SCN11A: variants seen among roughly 807,000 people sequenced by gnomAD.
SCN11A encodes the protein sodium channel protein type 11 subunit alpha.
In SCN11A, 122 loss-of-function variants were observed where a neutral mutation model predicts 162.2. The ratio of observed to expected loss-of-function variants is 0.75; its 90% confidence interval spans 0.65 to 0.87. The LOEUF (loss-of-function observed/expected upper bound fraction) is 0.87, where lower values mean the gene tolerates loss of function less well. Ranked by LOEUF, SCN11A falls within the 40% of genes least tolerant of loss-of-function variation. The probability of loss-of-function intolerance (pLI) is 0.00; values close to 1 mark genes in which losing one functional copy is unlikely to be tolerated. For synonymous variants in SCN11A, 758 were observed against 751.5 expected, an observed-to-expected ratio of 1.01 and a Z score of -0.14; for missense variants, 2,015 against 2,181.6, an observed-to-expected ratio of 0.92 and a Z score of 1.52.
chr3:38,973,840 G>C (rs1034676782), intron 2 of SCN11A, among the ~76,000 whole-genome samples: 1 of 152,180 alleles, frequency 6.6e-6, no homozygotes, highest in African/African-American at 2.4e-5. Context: ...GGAGTTTATT[G>C]TGTAAAGCTG....
intron 10 of SCN11A, among the ~76,000 whole-genome samples, chr3:38,920,499 T>C (rs994398945): frequency 1.2e-4 from 19 of 152,282 alleles, no homozygotes; most frequent in African/African-American, 4.1e-4. Flanking sequence ...GAGATCATCC[T>C]GGCCAACATG....
At chr3:39,002,261 A>G (rs1447116403) in intron 2 of SCN11A, among the ~76,000 whole-genome samples, 2 of 152,250 alleles carry the variant, frequency 1.3e-5, no homozygotes, top group Non-Finnish European at 2.9e-5. Context: ...AAGTTCAAAC[A>G]AGTCCAAATG....
intron 2 of SCN11A, among the ~76,000 whole-genome samples, chr3:38,976,260 A>G (rs953069054): frequency 2.6e-5 from 4 of 152,192 alleles, no homozygotes; most frequent in African/African-American, 9.7e-5. Flanking sequence ...AGTAATATAC[A>G]TACTGTCATA....
At chr3:38,989,639 T>C (rs1390249409) in intron 2 of SCN11A, among the ~76,000 whole-genome samples, 1 of 152,242 alleles carries the variant, frequency 6.6e-6, no homozygotes, top group Non-Finnish European at 1.5e-5. Flanking sequence ...GTCTGCTTTC[T>C]GAAAAGAAGT....
At chr3:38,867,862 T>C (rs2065066838) in intron 26 of SCN11A, among the ~76,000 whole-genome samples, 1 of 152,186 alleles carries the variant, frequency 6.6e-6, no homozygotes, top group South Asian at 2.1e-4. Context: ...CAGAGGTGAC[T>C]AAACTACTAA....
Position 38,845,993 on chromosome 3 carries a change from C to T in SCN11A, c.*701G>A, listed in dbSNP as rs1285560235. 1.3e-5 allele frequency: 2 copies of T among 152,296 alleles called. No homozygotes were observed. The highest frequency in any genetic ancestry group is 2.4e-5 in the African/African-American group (1 of 41,562). 9.4% of individuals were successfully genotyped at this position (152,296 alleles called of 1,614,324 possible). On this transcript the variant is annotated 3_prime_UTR_variant, in exon 30 of 30. Coordinates refer to ENST00000302328, the MANE Select transcript of SCN11A (RefSeq NM_001349253.2). The stretch of plus-strand genomic sequence containing the variant: ...AGAGCTACATGTGATAAACCACATA[C>T]TTGCATCAGGAAAATATCAAACAAA...
intron 27 of SCN11A, among the ~76,000 whole-genome samples, chr3:38,865,803 T>C (rs777781949): frequency 6.6e-6 from 1 of 152,142 alleles, no homozygotes; most frequent in Non-Finnish European, 1.5e-5. Context: ...CTTGTGGCCA[T>C]CAACCTGTGA....
intron 19 of SCN11A, among the ~76,000 whole-genome samples, chr3:38,889,384 C>T (rs567870662): frequency 8.9e-4 from 135 of 151,890 alleles, no homozygotes; most frequent in South Asian, 6.5e-3. Flanking sequence ...GAGATTGTGC[C>T]GTTGCACTCC....
chr3:38,949,979 G>C lies in SCN11A; in HGVS notation c.267+117C>G, dbSNP rs933946855. 5.9e-6 allele frequency: 4 copies of C among 679,236 alleles called. No homozygotes were observed. In the East Asian group the frequency reaches 1.1e-4, roughly 19 times the overall value. 42.1% of individuals were successfully genotyped at this position (679,236 alleles called of 1,614,324 possible). On this transcript the variant is annotated intron_variant, in intron 5 of 29. Transcript: ENST00000302328. ...GCCAGGGGATGACAGCAAAGAAGAG[G>C]CACAGCCTGCCTGCTATAAACCCTA...
chr3:38,944,331 C>T (rs2066483460), intron 7 of SCN11A, among the ~76,000 whole-genome samples: 1 of 151,616 alleles, frequency 6.6e-6, no homozygotes, highest in African/African-American at 2.4e-5. Flanking sequence ...TCTAGAAAAT[C>T]CATTTTTTTT....
chr3:38,859,966 T>A (rs1190795734), intron 28 of SCN11A, among the ~76,000 whole-genome samples: 1 of 152,044 alleles, frequency 6.6e-6, no homozygotes, highest in African/African-American at 2.4e-5. Flanking sequence ...TACAGTACTG[T>A]AAAACCTAAG....
intron 11 of SCN11A, among the ~76,000 whole-genome samples, chr3:38,914,485 T>C (rs904360484): frequency 4.6e-5 from 7 of 152,176 alleles, no homozygotes; most frequent in Admixed American, 1.3e-4. Flanking sequence ...TTTATTTCTT[T>C]TTCTTCCTGA....
intron 7 of SCN11A, among the ~76,000 whole-genome samples, chr3:38,942,213 A>G (rs947039645): frequency 2.0e-5 from 3 of 152,176 alleles, no homozygotes; most frequent in Admixed American, 2.0e-4. Context: ...CACAAAGCCA[A>G]ATTTGACAAA....
chr3:38,948,046 C>A (rs1436297188), intron 5 of SCN11A, among the ~76,000 whole-genome samples: 1 of 152,212 alleles, frequency 6.6e-6, no homozygotes, highest in African/African-American at 2.4e-5. Flanking sequence ...CTTTAATGAG[C>A]TGCTGGGATT....
chr3:39,047,135 TGTA>T (rs2032205779), intron 1 of SCN11A, among the ~76,000 whole-genome samples: 1 of 147,000 alleles, frequency 6.8e-6, no homozygotes, highest in East Asian at 2.0e-4. Context: ...TATTCACAAT[TGTA>T]GTATACTGCA....
In SCN11A at chr3:38,886,256, G is replaced by A. The variant is rs1300291591; in HGVS notation, c.2836-18C>T. ...TCATAGGCCTAACACAGAGAGCCCAGAATAGAATTAATATTCCTCCTGGAC... is the reference window on the plus strand; with the variant it reads ...TCATAGGCCTAACACAGAGAGCCCAAAATAGAATTAATATTCCTCCTGGAC... On this transcript the variant is annotated intron_variant, in intron 19 of 29. Transcript: ENST00000302328. 7.2e-6 allele frequency: 11 copies of A among 1,523,396 alleles called. No homozygotes were observed. Among genetic ancestry groups the A allele is most frequent in the Admixed American group, 6.8e-5 (4 of 58,902 alleles). 94.4% of individuals were successfully genotyped at this position (1,523,396 alleles called of 1,614,324 possible).
At position 39,022,871 on chromosome 3, in the gene SCN11A, C is replaced by T. The variant is rs192504199; in HGVS notation, c.-280+9509G>A. On this transcript the variant is annotated intron_variant, in intron 2 of 29. Transcript: ENST00000302328. ...TCCAGCCTGGGTGACAGAGCAAGAC[C>T]CTGTCTCAAAAAAAAAATAAATAAA... Among the ~76,000 whole-genome samples, 564 of 150,994 alleles carry T rather than the reference C, an allele frequency of 3.7e-3. 16 individuals are homozygous for T. The highest frequency in any genetic ancestry group is 1.4e-3 in the Non-Finnish European group (97 of 67,798).
At chr3:38,893,816 A>C (rs2065540310) in intron 19 of SCN11A, among the ~76,000 whole-genome samples, 1 of 151,876 alleles carries the variant, frequency 6.6e-6, no homozygotes, top group African/African-American at 2.4e-5. Context: ...ATAAAATATA[A>C]TTAAATATAT....
At chr3:39,015,741 CAT>C (rs2031272782) in intron 2 of SCN11A, among the ~76,000 whole-genome samples, 1 of 152,054 alleles carries the variant, frequency 6.6e-6, no homozygotes, top group Non-Finnish European at 1.5e-5. Context: ...AAAGATGTGA[CAT>C]ATATATTTTT....
Sources: allele counts gnomAD v4.1 joint callset (sites outside exome capture counted in the v4.1 genomes callset), GRCh38; gene constraint gnomAD v4.1.1; transcripts MANE v1.5; gene names NCBI Gene and HGNC (gene_info 2026-07-23, HGNC 2026-07-21).